The following NALF1 variants were observed in gnomAD, a reference collection of about 807,000 sequenced individuals.
The protein encoded by NALF1 is family with sequence similarity 155 member A.
NALF1 carries 3 observed loss-of-function variants against 48.4 expected under a neutral mutation model. That is an observed-to-expected ratio of 0.06 (90% CI 0.03 to 0.16). NALF1 has a LOEUF of 0.16. Among genes scored for constraint, NALF1 ranks in the 10% least tolerant of loss-of-function variants. The pLI is 1.00. For synonymous variants in NALF1, 262 were observed against 245.7 expected (o/e 1.07, Z -0.62); for missense variants, 526 against 571.5 (o/e 0.92, Z 0.81).
chr13:107,411,087 C>A (rs948200757), intron 1 of NALF1, among the ~76,000 whole-genome samples: 6 of 152,068 alleles, frequency 3.9e-5, no homozygotes, highest in African/African-American at 1.4e-4. Flanking sequence ...CCTTTAGCAG[C>A]AAGGTGGCAT....
rs1880776681 is a variant in NALF1 at position 107,867,482 on chromosome 13, G to A, written c.-886C>T. On this transcript the variant is annotated 5_prime_UTR_variant, in exon 1 of 3. Coordinates refer to ENST00000375915, the MANE Select transcript of NALF1 (RefSeq NM_001080396.3). The surrounding 1 kb of genome is among the most constrained non-coding windows in gnomAD (Gnocchi z 4.4). ...CTAAGTTGCCGCCATCTTCGTCCTG[G>A]AGAAACACTTTTTTGGGGGGAGCGC... Among the ~76,000 whole-genome samples, 1 of 149,352 alleles carries A rather than the reference G, an allele frequency of 6.7e-6. No individual in the cohort carries two copies. The highest frequency in any genetic ancestry group is 1.5e-5 in the Non-Finnish European group (1 of 67,104).
chr13:107,579,398 T>C (rs1385886659), intron 1 of NALF1, among the ~76,000 whole-genome samples: 1 of 152,182 alleles, frequency 6.6e-6, no homozygotes, highest in African/African-American at 2.4e-5. Context: ...GCCATAATAT[T>C]CATTTTCATA....
At chr13:107,255,728 A>T (rs1012802169) in intron 1 of NALF1, among the ~76,000 whole-genome samples, 12 of 152,218 alleles carry the variant, frequency 7.9e-5, no homozygotes, top group African/African-American at 2.9e-4. Context: ...TATTATTATT[A>T]CAATTTAATA....
intron 1 of NALF1, among the ~76,000 whole-genome samples, chr13:107,759,383 T>G (rs1877202967): frequency 6.6e-6 from 1 of 152,142 alleles, no homozygotes; most frequent in Non-Finnish European, 1.5e-5. Context: ...TAATTTTTAG[T>G]ATTTTTAGTA....
At chr13:107,618,859 A>G (rs887763790) in intron 1 of NALF1, among the ~76,000 whole-genome samples, 1 of 152,204 alleles carries the variant, frequency 6.6e-6, no homozygotes, top group African/African-American at 2.4e-5. Flanking sequence ...CAGTTTGGAG[A>G]TGGGCTAAGA....
In NALF1 at chr13:107,450,316, A is replaced by G. The variant is rs8000964; in HGVS notation, c.916-239561T>C. On this transcript the variant is annotated intron_variant, in intron 1 of 2. Coordinates refer to ENST00000375915, the MANE Select transcript of NALF1 (RefSeq NM_001080396.3). The stretch of plus-strand genomic sequence containing the variant: ...AATGTGGGAAAACAAGAAAGTGCCC[A>G]TCATAGAGCCACGGGGACTGGGGGC... Among the ~76,000 whole-genome samples, 1,381 of 152,278 alleles carry G rather than the reference A, an allele frequency of 9.1e-3. 24 individuals carry two copies. The highest frequency in any genetic ancestry group is 0.032 in the African/African-American group (1,316 of 41,564).
rs141732022 is a variant in NALF1, at chr13:107,237,660, G to A, written c.916-26905C>T. Reference sequence around the variant, plus strand: ...AATGACAAGAAAAATGCCTGTACATGTTCAGCACAAATGCAACCATCGTAG... The same window carrying A: ...AATGACAAGAAAAATGCCTGTACATATTCAGCACAAATGCAACCATCGTAG... On this transcript the variant is annotated intron_variant, in intron 1 of 2. Coordinates refer to ENST00000375915, the MANE Select transcript of NALF1 (RefSeq NM_001080396.3). 6.1e-3 allele frequency among the ~76,000 whole-genome samples: 922 copies of A among 152,282 alleles called. 6 individuals are homozygous for A. The highest frequency in any genetic ancestry group is 0.037 in the Middle Eastern group (11 of 294).
intron 1 of NALF1, among the ~76,000 whole-genome samples, chr13:107,759,703 A>G (rs1877211542): frequency 6.6e-6 from 1 of 151,600 alleles, no homozygotes; most frequent in African/African-American, 2.4e-5. Context: ...CTTACTGTTC[A>G]GTGTCTCTGT....
intron 1 of NALF1, among the ~76,000 whole-genome samples, chr13:107,756,014 C>T (rs1336199331): frequency 6.6e-6 from 1 of 152,156 alleles, no homozygotes; most frequent in Non-Finnish European, 1.5e-5. Flanking sequence ...TTGGTATATT[C>T]ACAGTATCTA....
At chr13:107,335,771 T>C (rs1333976688) in intron 1 of NALF1, among the ~76,000 whole-genome samples, 3 of 152,248 alleles carry the variant, frequency 2.0e-5, no homozygotes, top group Non-Finnish European at 2.9e-5. Context: ...TACCTCCACC[T>C]ACCTTTTCAG....
chr13:107,522,826 C>T (rs1166478271), intron 1 of NALF1, among the ~76,000 whole-genome samples: 4 of 151,724 alleles, frequency 2.6e-5, no homozygotes, highest in Admixed American at 6.6e-5. Context: ...CTCCATGTTG[C>T]AGGCTGGTCT....
At chr13:107,460,678 T>C (rs1884903162) in intron 1 of NALF1, among the ~76,000 whole-genome samples, 1 of 152,224 alleles carries the variant, frequency 6.6e-6, no homozygotes, top group Non-Finnish European at 1.5e-5. Context: ...GATATTATAA[T>C]TGTATACAGT....
chr13:107,569,794 T>C (rs1877932737), intron 1 of NALF1, among the ~76,000 whole-genome samples: 1 of 152,210 alleles, frequency 6.6e-6, no homozygotes. Context: ...TGCTGAGATT[T>C]TAATAGCAGT....
At chr13:107,185,236 A>G (rs887449368) in intron 2 of NALF1, among the ~76,000 whole-genome samples, 2 of 152,156 alleles carry the variant, frequency 1.3e-5, no homozygotes, top group African/African-American at 4.8e-5. Flanking sequence ...CTCCAGAACT[A>G]TAAGAAAATA....
At chr13:107,288,788 C>T (rs1287942362) in intron 1 of NALF1, among the ~76,000 whole-genome samples, 2 of 152,022 alleles carry the variant, frequency 1.3e-5, no homozygotes, top group Non-Finnish European at 2.9e-5. Flanking sequence ...TCGCCTCGGC[C>T]TCCCAAATTG....
chr13:107,747,133 T>C (rs1876803032), intron 1 of NALF1, among the ~76,000 whole-genome samples: 1 of 152,226 alleles, frequency 6.6e-6, no homozygotes, highest in Admixed American at 6.5e-5. Flanking sequence ...AGCCCAGCAT[T>C]GTACATTCTT....
intron 2 of NALF1, among the ~76,000 whole-genome samples, chr13:107,180,887 G>C (rs1432178576): frequency 6.6e-6 from 1 of 151,572 alleles, no homozygotes; most frequent in Admixed American, 6.6e-5. Flanking sequence ...GTTTCCTAAA[G>C]GTAATTTTCA....
chr13:107,346,617 G>A (rs1882777240), intron 1 of NALF1, among the ~76,000 whole-genome samples: 1 of 152,100 alleles, frequency 6.6e-6, no homozygotes, highest in Non-Finnish European at 1.5e-5. Context: ...TGTGGGGAGG[G>A]GCAAATGAGG....
At chr13:107,277,874 G>A (rs1322895286) in intron 1 of NALF1, among the ~76,000 whole-genome samples, 1 of 152,202 alleles carries the variant, frequency 6.6e-6, no homozygotes, top group Non-Finnish European at 1.5e-5. Flanking sequence ...GCCAGACACT[G>A]GGTAAGTGCT....
Sources: gnomAD v4.1 joint callset for allele counts (sites outside exome capture counted in the v4.1 genomes callset) on GRCh38, gnomAD v4.1.1 for gene constraint, Gnocchi (gnomAD v3.1) non-coding constraint, MANE v1.5 for transcripts, NCBI Gene and HGNC (gene_info 2026-07-23, HGNC 2026-07-21) for gene names.